RANBP2: variants seen among roughly 807,000 people sequenced by gnomAD.
RANBP2 encodes the protein RAN binding protein 2.
A neutral mutation model predicts 303.6 loss-of-function variants in RANBP2; 57 were observed. That is an observed-to-expected ratio of 0.19 (90% CI 0.15 to 0.23). RANBP2 has a LOEUF of 0.23. RANBP2 is among the 10% of genes least tolerant of loss of function. The probability of loss-of-function intolerance (pLI) is 1.00; values close to 1 mark genes in which losing one functional copy is unlikely to be tolerated. For missense variants in RANBP2, 3,138 were observed against 3,780.8 expected (o/e 0.83, Z 4.46); for synonymous variants, 1,167 against 1,301.5 (o/e 0.90, Z 2.23).
the RANBP2 span, among the ~76,000 whole-genome samples, chr2:109,679,715 C>G: frequency 3.3e-5 from 5 of 152,276 alleles, no homozygotes; most frequent in African/African-American, 1.2e-4. Context: ...CCCAGGGCAT[C>G]TTGTTACAAA....
Position 108,766,005 on chromosome 2 carries a change from A to G in RANBP2, c.5466A>G (p.Thr1822=). The stretch of plus-strand genomic sequence containing the variant: ...TTGCAGAAGCTCCTTCAGCTTTCAC[A>G]CTGGGCTCAGAAATGAAGTTGCATG... ...KPIAEAPSAF[T]LGSEMKLHDS... Residue 1822 remains threonine, a synonymous_variant, in exon 20 of 29, where the codon ACA becomes ACG. Transcript: ENST00000283195. 1 of 1,614,132 alleles carries G rather than the reference A, an allele frequency of 6.2e-7. No individual in the cohort carries two copies. Among genetic ancestry groups the G allele is most frequent in the East Asian group, 2.2e-5 (1 of 44,882 alleles).
chr2:109,567,978 T>C, the RANBP2 span: 2 of 1,571,520 alleles, frequency 1.3e-6, no homozygotes, highest in Non-Finnish European at 1.7e-6. Context: ...AATGTTTACC[T>C]ATTAAGAATA....
the RANBP2 span, among the ~76,000 whole-genome samples, chr2:109,389,485 G>A: frequency 5.9e-5 from 9 of 152,170 alleles, no homozygotes; most frequent in Non-Finnish European, 8.8e-5. Flanking sequence ...CATACCACAT[G>A]GACGCATGCC....
chr2:109,255,771 C>T, the RANBP2 span, among the ~76,000 whole-genome samples: 1 of 152,208 alleles, frequency 6.6e-6, no homozygotes, highest in African/African-American at 2.4e-5. Context: ...TCTCAGCTTC[C>T]TGATTTAATG....
the RANBP2 span, among the ~76,000 whole-genome samples, chr2:109,671,180 G>A: frequency 6.6e-6 from 1 of 152,000 alleles, no homozygotes; most frequent in Non-Finnish European, 1.5e-5. Context: ...CCACCTGCTG[G>A]ATATTGGAGG....
At chr2:109,084,108 C>A in the RANBP2 span, among the ~76,000 whole-genome samples, 1 of 152,302 alleles carries the variant, frequency 6.6e-6, no homozygotes, top group East Asian at 1.9e-4. Context: ...AGCTTCGCCT[C>A]CCCCAAGTAG....
chr2:108,780,715 CT>C (rs1176254216), intron 25 of RANBP2, among the ~76,000 whole-genome samples: 63 of 140,280 alleles, frequency 4.5e-4, no homozygotes, highest in Admixed American at 5.0e-4. Context: ...TTCTTTCTTT[CT>C]TTTTTTTTTT....
chr2:108,976,338 A>T, the RANBP2 span, among the ~76,000 whole-genome samples: 2 of 152,186 alleles, frequency 1.3e-5, no homozygotes, highest in Non-Finnish European at 2.9e-5. Flanking sequence ...TATGGGTTTG[A>T]GAGGAAGACC....
At chr2:109,416,296 T>C in the RANBP2 span, among the ~76,000 whole-genome samples, 1 of 152,124 alleles carries the variant, frequency 6.6e-6, no homozygotes, top group African/African-American at 2.4e-5. Context: ...TGCTGCATGC[T>C]TAGAATTACA....
the RANBP2 span, among the ~76,000 whole-genome samples, chr2:109,176,881 C>G: frequency 1.3e-5 from 2 of 152,108 alleles, no homozygotes; most frequent in Admixed American, 1.3e-4. Context: ...GGAGAAAGAT[C>G]ACTAGCTGAA....
chr2:109,239,395 TGAATAA>T, the RANBP2 span, among the ~76,000 whole-genome samples: 1 of 152,220 alleles, frequency 6.6e-6, no homozygotes, highest in Non-Finnish European at 1.5e-5. Flanking sequence ...AAAAATGAAC[TGAATAA>T]GAATAAGGAT....
At chr2:109,090,852 CATTG>C in the RANBP2 span, among the ~76,000 whole-genome samples, 1 of 152,054 alleles carries the variant, frequency 6.6e-6, no homozygotes, top group Non-Finnish European at 1.5e-5. Context: ...TTATATATAT[CATTG>C]ATTTCCATCC....
the RANBP2 span, among the ~76,000 whole-genome samples, chr2:108,848,553 C>T: frequency 8.1e-3 from 1,229 of 152,190 alleles, 11 homozygotes; most frequent in South Asian, 0.013. Flanking sequence ...CCTATGAAGA[C>T]GAAGTGTTTT....
the RANBP2 span, among the ~76,000 whole-genome samples, chr2:109,620,934 C>T: frequency 6.6e-6 from 1 of 152,172 alleles, no homozygotes; most frequent in Non-Finnish European, 1.5e-5. Flanking sequence ...TGAGATAGAA[C>T]ATTCAGCCTT....
the RANBP2 span, among the ~76,000 whole-genome samples, chr2:109,116,907 G>T: frequency 6.6e-6 from 1 of 152,218 alleles, no homozygotes; most frequent in Non-Finnish European, 1.5e-5. Flanking sequence ...TCCAGACCCT[G>T]TTTGCCTGGG....
At chr2:109,401,958 G>A in the RANBP2 span, among the ~76,000 whole-genome samples, 22 of 152,224 alleles carry the variant, frequency 1.4e-4, no homozygotes, top group Non-Finnish European at 2.2e-4. Flanking sequence ...GACTTGAAGC[G>A]AAAGTCATGG....
chr2:109,491,061 A>C, the RANBP2 span: 1 of 870,730 alleles, frequency 1.1e-6, no homozygotes, highest in Non-Finnish European at 1.6e-6. Flanking sequence ...GTACCTCAAC[A>C]CCCAGATCCA....
the RANBP2 span, among the ~76,000 whole-genome samples, chr2:108,817,610 C>T: frequency 6.6e-6 from 1 of 152,118 alleles, no homozygotes; most frequent in Non-Finnish European, 1.5e-5. Context: ...CTTCTGGAAG[C>T]TGGGAATTGC....
intron 8 of RANBP2, among the ~76,000 whole-genome samples, chr2:108,747,784 TA>T (rs1370916872): frequency 2.6e-5 from 4 of 152,164 alleles, no homozygotes; most frequent in African/African-American, 4.8e-5. Context: ...GGAGGGTTTT[TA>T]AAAAAAGTTC....
Sources: gnomAD v4.1 joint callset for allele counts (sites outside exome capture counted in the v4.1 genomes callset) on GRCh38, gnomAD v4.1.1 for gene constraint, MANE v1.5 for transcripts, NCBI Gene and HGNC (gene_info 2026-07-23, HGNC 2026-07-21) for gene names.